The following MACROH2A1 variants were observed in gnomAD, a reference collection of about 807,000 sequenced individuals.
MACROH2A1 encodes core histone macro-H2A.1.
Under a neutral mutation model 31.6 loss-of-function variants are expected in MACROH2A1, and 2 were observed. That is an observed-to-expected ratio of 0.06 (90% confidence interval 0.03 to 0.20). MACROH2A1 has a LOEUF of 0.20. Ranked by LOEUF, MACROH2A1 falls within the 10% of genes least tolerant of loss-of-function variation. The pLI is 1.00. For missense variants in MACROH2A1, 230 were observed against 474.0 expected (o/e 0.49, Z 4.78); for synonymous variants, 169 against 189.6 (o/e 0.89, Z 0.89).
intron 4 of MACROH2A1, among the ~76,000 whole-genome samples, chr5:135,366,319 A>T (rs974330805): frequency 2.6e-5 from 4 of 152,232 alleles, no homozygotes; most frequent in Non-Finnish European, 5.9e-5. Flanking sequence ...GCAGCTCTAC[A>T]TGCAGAGACA....
In MACROH2A1 at chr5:135,352,927, G is replaced by C; in HGVS notation, c.688+19C>G. ...TTTTCATCTGACAGCTGGTGGTGCC[G>C]AACCCCGTCCCCAATTACCTAGGTC... On this transcript the variant is annotated intron_variant, in intron 6 of 8. Transcript: ENST00000511689. 7.7e-7 allele frequency: 1 copy of C among 1,293,276 alleles called. No individual in the cohort carries two copies. Among genetic ancestry groups the C allele is most frequent in the Non-Finnish European group, 1.1e-6 (1 of 886,756 alleles). The allele number at this position is 1,293,276 out of a possible 1,614,324, so 80.1% of individuals were successfully genotyped here.
At chr5:135,350,284 C>G (rs1304202089) in intron 6 of MACROH2A1, among the ~76,000 whole-genome samples, 1 of 152,180 alleles carries the variant, frequency 6.6e-6, no homozygotes. Context: ...TACCTGAAGT[C>G]TGAGAACCCT....
chr5:135,389,108 A>G lies in MACROH2A1; in HGVS notation c.-15T>C, dbSNP rs761591155. The stretch of plus-strand genomic sequence containing the variant: ...CGGCTCGACATGGCGGTGGCCCTGG[A>G]GGCGGATCAGTGAGCACACTGTGAA... On this transcript the variant is annotated 5_prime_UTR_variant, in exon 2 of 9. Coordinates refer to ENST00000511689, the MANE Select transcript of MACROH2A1 (RefSeq NM_138610.3). 1 of 1,609,828 alleles carries G rather than the reference A, an allele frequency of 6.2e-7. No homozygotes were observed. Among genetic ancestry groups the G allele is most frequent in the Non-Finnish European group, 8.5e-7 (1 of 1,176,950 alleles).
chr5:135,338,218 T>C (rs1759132301), intron 8 of MACROH2A1, among the ~76,000 whole-genome samples: 1 of 152,196 alleles, frequency 6.6e-6, no homozygotes, highest in African/African-American at 2.4e-5. Flanking sequence ...TTGGGTGGCC[T>C]GACAGCCCTA....
chr5:135,365,528 C>T (rs1005518879), intron 4 of MACROH2A1, among the ~76,000 whole-genome samples: 22 of 152,192 alleles, frequency 1.4e-4, no homozygotes, highest in African/African-American at 4.8e-4. Flanking sequence ...TGCACCTCCT[C>T]CCTGAACACT....
At chr5:135,358,217 A>C in intron 5 of MACROH2A1, 1 of 985,410 alleles carries the variant, frequency 1.0e-6, no homozygotes, top group Non-Finnish European at 1.2e-6. Flanking sequence ...TAATGCTTCA[A>C]AATAATGCTC....
At chr5:135,367,894 A>T (rs1488783224) in intron 4 of MACROH2A1, among the ~76,000 whole-genome samples, 4 of 152,146 alleles carry the variant, frequency 2.6e-5, no homozygotes, top group Admixed American at 2.0e-4. Flanking sequence ...TCCCAAATGC[A>T]TATGTTGAAA....
intron 5 of MACROH2A1, chr5:135,359,646 T>C (rs1435428765): frequency 1.0e-6 from 1 of 984,946 alleles, no homozygotes; most frequent in African/African-American, 1.7e-5. Flanking sequence ...GCAAAAGAAA[T>C]TGACAGTGAG....
intron 6 of MACROH2A1, among the ~76,000 whole-genome samples, chr5:135,352,707 C>A (rs1225186441): frequency 6.6e-6 from 1 of 152,214 alleles, no homozygotes; most frequent in East Asian, 1.9e-4. Flanking sequence ...GAAGAGAATT[C>A]AGATGGCAAT....
At chr5:135,355,000 A>C (rs926202149) in intron 5 of MACROH2A1, 1 of 447,512 alleles carries the variant, frequency 2.2e-6, no homozygotes, top group African/African-American at 2.0e-5. Flanking sequence ...TGTTTAAAAC[A>C]ATACATGTTC....
chr5:135,346,888 A>T (rs1760907368), intron 6 of MACROH2A1: 1 of 152,250 alleles, frequency 6.6e-6, no homozygotes, highest in Non-Finnish European at 1.5e-5. Context: ...CCCAAACAAG[A>T]TCACCAACAC....
intron 5 of MACROH2A1, 53 bp downstream of exon 5, chr5:135,360,444 G>A (rs1762690536): frequency 2.6e-6 from 3 of 1,160,890 alleles, no homozygotes; most frequent in South Asian, 1.2e-5. Context: ...AGTAGCCTGT[G>A]CCCACCTGTC....
intron 1 of MACROH2A1, among the ~76,000 whole-genome samples, chr5:135,397,982 C>T (rs1425292424): frequency 1.3e-5 from 2 of 152,130 alleles, no homozygotes; most frequent in African/African-American, 4.8e-5. Flanking sequence ...AGGAGTGCCC[C>T]CTCTAATTGT....
At chr5:135,388,490 A>G (rs1224823917) in intron 2 of MACROH2A1, among the ~76,000 whole-genome samples, 1 of 152,222 alleles carries the variant, frequency 6.6e-6, no homozygotes, top group Non-Finnish European at 1.5e-5. Context: ...CAAAAGTATC[A>G]ATGTCATGGA....
chr5:135,383,342 A>G (rs1385909859), intron 2 of MACROH2A1, among the ~76,000 whole-genome samples: 3 of 152,236 alleles, frequency 2.0e-5, no homozygotes, highest in African/African-American at 4.8e-5. Context: ...GCGTATGTTA[A>G]TAACAACAAA....
chr5:135,352,858 TAA>T, intron 6 of MACROH2A1, 86 bp downstream of exon 6: 4 of 796,936 alleles, frequency 5.0e-6, no homozygotes, highest in South Asian at 1.4e-5. Context: ...TTGACCACTG[TAA>T]AGTCTGGGAA....
At chr5:135,379,904 CT>C (rs939112856) in intron 2 of MACROH2A1, among the ~76,000 whole-genome samples, 2 of 151,886 alleles carry the variant, frequency 1.3e-5, no homozygotes, top group African/African-American at 2.4e-5. Context: ...TCCTCTGTGG[CT>C]TTTTTTTGGC....
At position 135,390,976 on chromosome 5, in the gene MACROH2A1, G is replaced by A. The variant is rs367702289; in HGVS notation, c.-33-1850C>T. On this transcript the variant is annotated intron_variant, in intron 1 of 8. Coordinates refer to ENST00000511689, the MANE Select transcript of MACROH2A1 (RefSeq NM_138610.3). ...AAGAGTAAAGGCCTCTGTCATGAGCGCCCTGTCAAGGAGCACCCAGTCTTA... is the reference window on the plus strand; with the variant it reads ...AAGAGTAAAGGCCTCTGTCATGAGCACCCTGTCAAGGAGCACCCAGTCTTA... Among the ~76,000 whole-genome samples, 7 of 152,296 alleles carry A rather than the reference G, an allele frequency of 4.6e-5. No homozygotes were observed. The South Asian group carries it at 8.3e-4, about 18-fold the overall frequency.
chr5:135,360,392 G>A lies in MACROH2A1; in HGVS notation c.588+105C>T, dbSNP rs775166046. On this transcript the variant is annotated intron_variant, in intron 5 of 8. Coordinates refer to ENST00000511689, the MANE Select transcript of MACROH2A1 (RefSeq NM_138610.3). ...CACAGCCCACTCTGTCTACCCACGA[G>A]GCTGGGAGTGGCCCCCGGGATCCCC... The A allele has an allele frequency of 7.6e-5, 58 of 758,498 alleles. 1 individual carries two copies. The highest frequency in any genetic ancestry group is 1.3e-4 in the Non-Finnish European group (57 of 436,018). 47.0% of individuals were successfully genotyped at this position (758,498 alleles called of 1,614,324 possible).
Sources: gnomAD v4.1 joint callset for allele counts (sites outside exome capture counted in the v4.1 genomes callset) on GRCh38, gnomAD v4.1.1 for gene constraint, MANE v1.5 for transcripts, NCBI Gene and HGNC (gene_info 2026-07-23, HGNC 2026-07-21) for gene names.